Variants in UNC13C observed in about 807,000 individuals in gnomAD.
The protein encoded by UNC13C is protein unc-13 homolog C.
In UNC13C, 174 loss-of-function variants were observed where a neutral mutation model predicts 245.4. The observed-to-expected ratio is 0.71, with a 90% CI of 0.63 to 0.80. UNC13C has a LOEUF of 0.80. Among genes scored for constraint, UNC13C ranks in the 30% least tolerant of loss-of-function variants. The pLI is 0.00. For missense variants in UNC13C, 2,829 were observed against 2,602.9 expected, an observed-to-expected ratio of 1.09 and a Z score of -1.89; for synonymous variants, 992 against 895.1, an observed-to-expected ratio of 1.11 and a Z score of -1.93.
chr15:53,845,970 TC>T, the UNC13C span, among the ~76,000 whole-genome samples: 1 of 152,122 alleles, frequency 6.6e-6, no homozygotes, highest in East Asian at 1.9e-4. Context: ...GAAAACATAC[TC>T]CAAGTACCAA....
At chr15:53,887,808 G>A in the UNC13C span, among the ~76,000 whole-genome samples, 1 of 152,050 alleles carries the variant, frequency 6.6e-6, no homozygotes, top group African/African-American at 2.4e-5. Context: ...GTGGTGTTTG[G>A]TTTTCTATTC....
At chr15:54,338,244 T>C in intron 16 of UNC13C, 117 bp from the exon 17 acceptor site, 1 of 1,220,324 alleles carries the variant, frequency 8.2e-7, no homozygotes, top group Non-Finnish European at 1.1e-6. Flanking sequence ...AAGATGACAC[T>C]TACTGAACAT....
the UNC13C span, among the ~76,000 whole-genome samples, chr15:53,852,357 G>T: frequency 2.6e-5 from 4 of 152,128 alleles, no homozygotes; most frequent in African/African-American, 9.7e-5. Flanking sequence ...CTGGAAGCTT[G>T]AATGATTCCA....
At chr15:53,954,651 G>C in the UNC13C span, among the ~76,000 whole-genome samples, 9 of 152,228 alleles carry the variant, frequency 5.9e-5, no homozygotes, top group East Asian at 1.9e-4. Flanking sequence ...GCTTCAAATG[G>C]GGTATGAGTT....
intron 2 of UNC13C, among the ~76,000 whole-genome samples, chr15:54,078,257 T>A (rs2141112636): frequency 6.6e-6 from 1 of 152,330 alleles, no homozygotes; most frequent in African/African-American, 2.4e-5. Context: ...CGTAGGTTGA[T>A]TCCATAACTT....
chr15:54,317,728 T>C (rs538933118), intron 13 of UNC13C, among the ~76,000 whole-genome samples: 6 of 152,110 alleles, frequency 3.9e-5, no homozygotes, highest in East Asian at 1.9e-4. Context: ...CACATAGTTA[T>C]CATTTTTGTG....
the UNC13C span, among the ~76,000 whole-genome samples, chr15:53,934,391 C>A: frequency 6.6e-6 from 1 of 152,178 alleles, no homozygotes; most frequent in Non-Finnish European, 1.5e-5. Flanking sequence ...GAGTTCTTTC[C>A]AACCCCCGCC....
At chr15:54,546,518 G>C (rs892355015) in intron 26 of UNC13C, among the ~76,000 whole-genome samples, 28 of 152,216 alleles carry the variant, frequency 1.8e-4, no homozygotes, top group African/African-American at 6.5e-4. Flanking sequence ...AGAAAACAAC[G>C]TAAGAAAAGA....
intron 17 of UNC13C, among the ~76,000 whole-genome samples, chr15:54,376,621 G>C (rs1210678511): frequency 6.6e-6 from 1 of 152,138 alleles, no homozygotes; most frequent in Admixed American, 6.5e-5. Flanking sequence ...AAGACTCGAA[G>C]GTAGTTTATT....
chr15:54,134,400 T>C (rs1255828390), intron 2 of UNC13C, among the ~76,000 whole-genome samples: 2 of 148,340 alleles, frequency 1.3e-5, no homozygotes, highest in Non-Finnish European at 3.0e-5. Context: ...GTTTTTTCTT[T>C]TTAATGGCTA....
At chr15:54,603,652 A>G (rs1899580637) in intron 30 of UNC13C, among the ~76,000 whole-genome samples, 1 of 152,146 alleles carries the variant, frequency 6.6e-6, no homozygotes, top group Non-Finnish European at 1.5e-5. Context: ...ACTTGAGGCC[A>G]GGAGTTTGAG....
chr15:54,264,216 C>G lies in UNC13C; in HGVS notation c.3497C>G (p.Thr1166Ser). The G allele has an allele frequency of 1.3e-6, 2 of 1,593,526 alleles. No homozygotes were observed. The highest frequency in any genetic ancestry group is 1.7e-6 in the Non-Finnish European group (2 of 1,169,344). Reference sequence around the variant, plus strand: ...CATGGTGCCGAAGACAAGACTCAGACCATTATTACAGCAATGAAAGAAAGA... The same window carrying G: ...CATGGTGCCGAAGACAAGACTCAGAGCATTATTACAGCAATGAAAGAAAGA... ...SKHGAEDKTQ[T>S]IITAMKERMK... The change falls in exon 9 of 33, where the codon ACC becomes AGC. Residue 1166 changes from threonine to serine, a missense_variant. Physicochemically the swap from Thr to Ser is moderately conservative, Grantham distance 58. Coordinates refer to ENST00000260323, the MANE Select transcript of UNC13C (RefSeq NM_001080534.3).
chr15:54,381,440 T>C (rs984061851), intron 17 of UNC13C, among the ~76,000 whole-genome samples: 1 of 152,118 alleles, frequency 6.6e-6, no homozygotes, highest in Non-Finnish European at 1.5e-5. Flanking sequence ...ATACAGGATC[T>C]GTGGTGGTTT....
intron 20 of UNC13C, among the ~76,000 whole-genome samples, chr15:54,498,693 T>A (rs1021953466): frequency 5.9e-5 from 9 of 152,132 alleles, no homozygotes; most frequent in African/African-American, 2.2e-4. Flanking sequence ...ATAAATGTGA[T>A]GAACGGCGTA....
intron 4 of UNC13C, among the ~76,000 whole-genome samples, chr15:54,193,023 C>T (rs2034238583): frequency 6.6e-6 from 1 of 152,098 alleles, no homozygotes; most frequent in South Asian, 2.1e-4. Flanking sequence ...CTTGAACTTA[C>T]TGTACATTAC....
intron 19 of UNC13C, among the ~76,000 whole-genome samples, chr15:54,433,672 A>G (rs1055969898): frequency 2.6e-5 from 4 of 152,094 alleles, no homozygotes; most frequent in Non-Finnish European, 4.4e-5. Flanking sequence ...GAAAACTGGC[A>G]CAAGGCAAGA....
chr15:53,889,759 A>G, the UNC13C span, among the ~76,000 whole-genome samples: 1 of 152,122 alleles, frequency 6.6e-6, no homozygotes, highest in African/African-American at 2.4e-5. Flanking sequence ...AGTTTTTAGC[A>G]TGAAGGGTGT....
intron 1 of UNC13C, among the ~76,000 whole-genome samples, chr15:53,994,783 A>C (rs1018251966): frequency 1.3e-5 from 2 of 152,128 alleles, no homozygotes; most frequent in African/African-American, 4.8e-5. Context: ...TAGTGTCTGA[A>C]ATATTGCAGA....
chr15:54,135,171 T>C (rs1326948174), intron 2 of UNC13C, among the ~76,000 whole-genome samples: 1 of 152,210 alleles, frequency 6.6e-6, no homozygotes, highest in Non-Finnish European at 1.5e-5. Flanking sequence ...GAGTTTGTGA[T>C]TTTGCTATGG....
Sources: gnomAD v4.1 joint callset for allele counts (sites outside exome capture counted in the v4.1 genomes callset) on GRCh38, gnomAD v4.1.1 for gene constraint, MANE v1.5 for transcripts, NCBI Gene and HGNC (gene_info 2026-07-23, HGNC 2026-07-21) for gene names.